Variants in ARHGAP8 observed in about 807,000 individuals in gnomAD.
ARHGAP8 encodes the protein rho GTPase-activating protein 8.
A neutral mutation model predicts 46.1 loss-of-function variants in ARHGAP8; 62 were observed. That is an observed-to-expected ratio of 1.34 (90% CI 1.10 to 1.66). The LOEUF (loss-of-function observed/expected upper bound fraction) is 1.66. Ranked by LOEUF, ARHGAP8 falls within the 40% of genes most tolerant of loss-of-function variation. The probability of loss-of-function intolerance (pLI) is 0.00; values close to 1 mark genes in which losing one functional copy is unlikely to be tolerated. For synonymous variants in ARHGAP8, 375 were observed against 243.1 expected (o/e 1.54, Z -5.05); for missense variants, 923 against 568.4 (o/e 1.62, Z -6.34).
intron 1 of ARHGAP8, among the ~76,000 whole-genome samples, chr22:44,757,018 G>T (rs965195054): frequency 5.3e-5 from 8 of 152,000 alleles, no homozygotes; most frequent in African/African-American, 1.9e-4. Context: ...TGGGCTTAAA[G>T]GATCCTCCCA....
At chr22:44,814,958 T>C (rs1308189471) in intron 5 of ARHGAP8, among the ~76,000 whole-genome samples, 200 bp downstream of exon 5, 1 of 152,128 alleles carries the variant, frequency 6.6e-6, no homozygotes, top group African/African-American at 2.4e-5. Flanking sequence ...AGTGCCGGCC[T>C]TTGGCACCTG....
intron 1 of ARHGAP8, among the ~76,000 whole-genome samples, chr22:44,780,352 A>G (rs959339999): frequency 1.3e-5 from 2 of 151,848 alleles, no homozygotes; most frequent in Non-Finnish European, 2.9e-5. Flanking sequence ...GCAAGATCCT[A>G]TCTCTTAAAA....
chr22:44,782,861 G>A (rs1034795229), intron 1 of ARHGAP8, among the ~76,000 whole-genome samples: 3 of 152,102 alleles, frequency 2.0e-5, no homozygotes, highest in African/African-American at 7.2e-5. Context: ...TCCTTGGCTG[G>A]GTCGTAGGTT....
chr22:44,860,660 A>C (rs544977296), intron 11 of ARHGAP8, among the ~76,000 whole-genome samples: 44 of 151,138 alleles, frequency 2.9e-4, no homozygotes, highest in African/African-American at 9.4e-4. Context: ...TAAGCAAATG[A>C]CCAGAGAGAG....
Position 44,828,751 on chromosome 22 carries a change from G to A in ARHGAP8, c.596+3158G>A, listed in dbSNP as rs143375136. Among the ~76,000 whole-genome samples the A allele has an allele frequency of 4.3e-3, 650 of 152,000 alleles. 3 individuals carry two copies. The highest frequency in any genetic ancestry group is 0.015 in the African/African-American group (630 of 41,468). On this transcript the variant is annotated intron_variant, in intron 7 of 11. Coordinates refer to ENST00000356099, the MANE Select transcript of ARHGAP8 (RefSeq NM_181335.3). ...GCGTCAGCCAGCACACCTAGCCCGG[G>A]CCAGGATATTCCAGCCATCAGGTGA...
At chr22:44,811,996 CA>C (rs80292686) in intron 4 of ARHGAP8, among the ~76,000 whole-genome samples, 62,701 of 131,226 alleles carry the variant, frequency 0.48, 13,665 homozygotes, top group South Asian at 0.55. Context: ...AACTCTGTTT[CA>C]AAAAAAAAAA....
rs372209606 is a variant in ARHGAP8 at position 44,794,094 on chromosome 22, C to T, written c.79+7488C>T. Among the ~76,000 whole-genome samples the T allele has an allele frequency of 3.0e-4, 46 of 152,314 alleles. No homozygotes were observed. The South Asian group carries it at 5.2e-3, about 17-fold the overall frequency. ...AGCTGCTCGCGTCAACCCACCCTGA[C>T]GCTCACTTGGCCTCTGGGCCTCAGT... On this transcript the variant is annotated intron_variant, in intron 2 of 11. Coordinates refer to ENST00000356099, the MANE Select transcript of ARHGAP8 (RefSeq NM_181335.3).
In ARHGAP8 at chr22:44,822,437, C is replaced by A. The variant is rs767999678; in HGVS notation, c.453C>A (p.Tyr151Ter). The stretch of plus-strand genomic sequence containing the variant: ...GTGAGCTCCACGAACACCTTAAATA[C>A]GACCAGCTGGTCATCCCTCCCGAAG... Reference protein sequence around the residue: ...YLSELHEHLKYDQLVIPPEVL... With the variant: ...YLSELHEHLK Residue 151 changes from tyrosine (Y) to a stop codon, truncating the protein, a stop_gained, in exon 6 of 12, where the codon TAC becomes TAA. Coordinates refer to ENST00000356099, the MANE Select transcript of ARHGAP8 (RefSeq NM_181335.3). LOFTEE classifies it high-confidence loss of function. The A allele has an allele frequency of 6.4e-7, 1 of 1,565,920 alleles. No homozygotes were observed. Among genetic ancestry groups the A allele is most frequent in the Non-Finnish European group, 8.6e-7 (1 of 1,164,090 alleles).
intron 2 of ARHGAP8, among the ~76,000 whole-genome samples, chr22:44,787,283 G>T (rs1389739311): frequency 6.6e-6 from 1 of 152,188 alleles, no homozygotes; most frequent in African/African-American, 2.4e-5. Context: ...AAACAACTCC[G>T]TGCCCAGCAG....
At chr22:44,801,872 C>T (rs577063920) in intron 2 of ARHGAP8, 82 of 597,624 alleles carry the variant, frequency 1.4e-4, no homozygotes, top group African/African-American at 1.2e-3. Context: ...TTCCAGCGTA[C>T]GGCTGGTCAT....
At position 44,793,734 on chromosome 22, in the gene ARHGAP8, G is replaced by A. The variant is rs140448761; in HGVS notation, c.79+7128G>A. 3.9e-5 allele frequency among the ~76,000 whole-genome samples: 6 copies of A among 152,310 alleles called. No homozygotes were observed. The East Asian group carries it at 9.6e-4, about 24-fold the overall frequency. ...TGAGTGATGTGGTGTTGTAAACAGCGAGGGGAGAAACAGGGGTCATGAATT... is the reference window on the plus strand; with the variant it reads ...TGAGTGATGTGGTGTTGTAAACAGCAAGGGGAGAAACAGGGGTCATGAATT... On this transcript the variant is annotated intron_variant, in intron 2 of 11. Transcript: ENST00000356099.
chr22:44,778,600 C>T (rs568449888), intron 1 of ARHGAP8, among the ~76,000 whole-genome samples: 161 of 152,274 alleles, frequency 1.1e-3, no homozygotes, highest in Middle Eastern at 6.8e-3. Context: ...AAGGAATCTC[C>T]ACACTGTTTT....
chr22:44,830,831 G>A lies in ARHGAP8; in HGVS notation c.596+5238G>A, dbSNP rs889300434. On this transcript the variant is annotated intron_variant, in intron 7 of 11. Transcript: ENST00000356099. Reference sequence around the variant, plus strand: ...TGGGATTACAGGCGTGAGCCACCGCGCCTGGCCTGTTTTTATTTTTTATCG... The same window carrying A: ...TGGGATTACAGGCGTGAGCCACCGCACCTGGCCTGTTTTTATTTTTTATCG... Among the ~76,000 whole-genome samples, 13 of 152,126 alleles carry A rather than the reference G, an allele frequency of 8.5e-5. No individual in the cohort carries two copies. In the East Asian group the frequency reaches 1.2e-3, roughly 14 times the overall value.
chr22:44,856,383 C>T (rs962157416), intron 10 of ARHGAP8, among the ~76,000 whole-genome samples: 1 of 146,570 alleles, frequency 6.8e-6, no homozygotes, highest in African/African-American at 2.6e-5. Flanking sequence ...AAGTGATTGT[C>T]CTGCCTCAGG....
intron 3 of ARHGAP8, among the ~76,000 whole-genome samples, chr22:44,803,061 CTT>C (rs1054995682): frequency 4.6e-5 from 7 of 152,264 alleles, no homozygotes; most frequent in African/African-American, 1.7e-4. Flanking sequence ...GTATGTGAGA[CTT>C]TGGATAGATA....
At chr22:44,859,941 T>G in intron 11 of ARHGAP8, 107 bp downstream of exon 11, 2 of 1,317,804 alleles carry the variant, frequency 1.5e-6, no homozygotes, top group East Asian at 2.4e-5. Flanking sequence ...GGTCATGCCC[T>G]GCTTGGGCCT....
chr22:44,856,347 C>G (rs902012865), intron 10 of ARHGAP8, among the ~76,000 whole-genome samples: 1 of 136,336 alleles, frequency 7.3e-6, no homozygotes, highest in African/African-American at 2.8e-5. Context: ...ATTCTCTACT[C>G]ACTACAACCT....
rs564916252 is a variant in ARHGAP8 at position 44,794,387 on chromosome 22, C to T, written c.80-7690C>T. ...TTCTACCCTGGCAGGCTGGGTACAG[C>T]CCTTTGCTTTTTTTCTCTCTCTCTC... On this transcript the variant is annotated intron_variant, in intron 2 of 11. Transcript: ENST00000356099. Among the ~76,000 whole-genome samples the T allele has an allele frequency of 6.9e-4, 105 of 152,294 alleles. 1 individual carries two copies. The highest frequency in any genetic ancestry group is 2.3e-3 in the African/African-American group (96 of 41,570).
chr22:44,797,359 A>G (rs1928166333), intron 2 of ARHGAP8, among the ~76,000 whole-genome samples: 1 of 151,956 alleles, frequency 6.6e-6, no homozygotes, highest in African/African-American at 2.4e-5. Context: ...GTTATTCCAC[A>G]GGAGGAGGGC....
Sources: allele counts gnomAD v4.1 joint callset (sites outside exome capture counted in the v4.1 genomes callset), GRCh38; gene constraint gnomAD v4.1.1; transcripts MANE v1.5; gene names NCBI Gene and HGNC (gene_info 2026-07-23, HGNC 2026-07-21).